The following GRIK1 variants were observed in gnomAD, a reference collection of about 807,000 sequenced individuals.
GRIK1 encodes the protein glutamate receptor ionotropic, kainate 1.
A neutral mutation model predicts 105.7 loss-of-function variants in GRIK1; 69 were observed. The observed-to-expected ratio is 0.65, with a 90% CI of 0.54 to 0.80. The LOEUF (loss-of-function observed/expected upper bound fraction) is 0.80. Among genes scored for constraint, GRIK1 ranks in the 30% least tolerant of loss-of-function variants. The pLI is 0.00. For missense variants in GRIK1, 1,109 were observed against 1,167.3 expected (o/e 0.95, Z 0.73); for synonymous variants, 438 against 431.3 (o/e 1.02, Z -0.19).
intron 4 of GRIK1, among the ~76,000 whole-genome samples, chr21:29,658,250 C>T (rs16984701): frequency 0.036 from 5,456 of 151,960 alleles, 320 homozygotes; most frequent in African/African-American, 0.12. Context: ...TCTAATAAGG[C>T]CCATTTCTTT....
At chr21:29,897,852 A>G (rs751676935) in intron 1 of GRIK1, among the ~76,000 whole-genome samples, 49 of 152,262 alleles carry the variant, frequency 3.2e-4, no homozygotes, top group Non-Finnish European at 6.3e-4. Flanking sequence ...GGCCAAGTAT[A>G]TAAAACAAGA....
At chr21:29,684,063 C>A (rs1228565906) in intron 3 of GRIK1, among the ~76,000 whole-genome samples, 1 of 152,196 alleles carries the variant, frequency 6.6e-6, no homozygotes, top group African/African-American at 2.4e-5. Flanking sequence ...CTCCCGAATA[C>A]TGTTTGATGC....
chr21:29,820,882 C>T (rs868054512), intron 1 of GRIK1, among the ~76,000 whole-genome samples: 1 of 151,988 alleles, frequency 6.6e-6, no homozygotes, highest in East Asian at 1.9e-4. Context: ...CCCAAGTTTA[C>T]CCAACTAGTA....
intron 7 of GRIK1, among the ~76,000 whole-genome samples, chr21:29,613,774 C>G (rs1002546540): frequency 7.2e-5 from 11 of 152,110 alleles, no homozygotes; most frequent in African/African-American, 2.7e-4. Context: ...TGACAAACTG[C>G]ATATTTGTTT....
intron 1 of GRIK1, among the ~76,000 whole-genome samples, chr21:29,707,761 C>A (rs796410130): frequency 6.6e-6 from 1 of 151,996 alleles, no homozygotes; most frequent in East Asian, 1.9e-4. Context: ...GGATTACAGG[C>A]GTAAACCACC....
intron 1 of GRIK1, among the ~76,000 whole-genome samples, chr21:29,787,896 G>A (rs1398603598): frequency 3.3e-5 from 5 of 152,140 alleles, no homozygotes; most frequent in Non-Finnish European, 4.4e-5. Flanking sequence ...CTATTTTAGT[G>A]TCCCTCATTT....
chr21:29,938,987 C>T (rs950881817), intron 1 of GRIK1, among the ~76,000 whole-genome samples: 1 of 152,118 alleles, frequency 6.6e-6, no homozygotes, highest in South Asian at 2.1e-4. Context: ...TGCCAGGCAC[C>T]GGGACTGCGG....
intron 1 of GRIK1, among the ~76,000 whole-genome samples, chr21:29,906,789 C>T (rs1311759227): frequency 6.6e-6 from 1 of 152,084 alleles, no homozygotes; most frequent in Non-Finnish European, 1.5e-5. Context: ...ATTTGGAGCA[C>T]ATTCCTCTGT....
chr21:29,674,072 T>TGG (rs1287282525), intron 3 of GRIK1, among the ~76,000 whole-genome samples: 54 of 151,376 alleles, frequency 3.6e-4, no homozygotes, highest in African/African-American at 6.1e-4. Context: ...GTTTTTTTTT[T>TGG]TGTTGTTTTT....
intron 1 of GRIK1, among the ~76,000 whole-genome samples, chr21:29,836,791 T>C (rs1322405767): frequency 6.6e-6 from 1 of 152,194 alleles, no homozygotes; most frequent in East Asian, 1.9e-4. Context: ...AAAAATGTAA[T>C]TTCATTGATA....
At chr21:29,917,576 C>T (rs527949467) in intron 1 of GRIK1, among the ~76,000 whole-genome samples, 1 of 152,148 alleles carries the variant, frequency 6.6e-6, no homozygotes, top group East Asian at 1.9e-4. Flanking sequence ...CTTCTTCAAT[C>T]TAAAACTCTT....
chr21:29,543,288 A>G (rs9305398), intron 16 of GRIK1, among the ~76,000 whole-genome samples: 3 of 151,884 alleles, frequency 2.0e-5, no homozygotes, highest in African/African-American at 7.3e-5. Flanking sequence ...TTTAAGGAAT[A>G]GGAACAGAAG....
chr21:29,822,914 C>G (rs1387749215), intron 1 of GRIK1, among the ~76,000 whole-genome samples: 1 of 152,012 alleles, frequency 6.6e-6, no homozygotes, highest in Non-Finnish European at 1.5e-5. Flanking sequence ...TCAAGTACAT[C>G]ACTAAGTTGC....
intron 7 of GRIK1, among the ~76,000 whole-genome samples, chr21:29,632,027 G>A (rs1010069177): frequency 2.4e-4 from 36 of 151,862 alleles, no homozygotes; most frequent in African/African-American, 8.5e-4. Flanking sequence ...AGAAGGGATT[G>A]GACAAGTACA....
intron 1 of GRIK1, among the ~76,000 whole-genome samples, chr21:29,728,672 T>A (rs748762200): frequency 6.6e-6 from 1 of 152,198 alleles, no homozygotes; most frequent in Non-Finnish European, 1.5e-5. Context: ...CTGATGGACG[T>A]TCACCATGTG....
chr21:29,769,244 G>A (rs1179967474), intron 1 of GRIK1, among the ~76,000 whole-genome samples: 1 of 152,098 alleles, frequency 6.6e-6, no homozygotes, highest in African/African-American at 2.4e-5. Flanking sequence ...AAATTAAAAC[G>A]AGGTCACTAG....
At chr21:29,825,546 T>C (rs368489853) in intron 1 of GRIK1, among the ~76,000 whole-genome samples, 3 of 152,086 alleles carry the variant, frequency 2.0e-5, no homozygotes, top group Non-Finnish European at 4.4e-5. Flanking sequence ...ACTATGTAAA[T>C]GATGTTTTAC....
intron 14 of GRIK1, 97 bp from the exon 15 acceptor site, chr21:29,561,946 G>GAAA: frequency 2.8e-6 from 2 of 710,746 alleles, no homozygotes; most frequent in Non-Finnish European, 5.1e-6. Context: ...ATGATAGGGA[G>GAAA]GATACTTTCT....
intron 1 of GRIK1, among the ~76,000 whole-genome samples, chr21:29,785,061 T>C (rs439643): frequency 0.6 from 90,658 of 152,072 alleles, 29,024 homozygotes; most frequent in African/African-American, 0.85. Context: ...AGTCAATTCA[T>C]AAACAATTCA....
Sources: gnomAD v4.1 joint callset for allele counts (sites outside exome capture counted in the v4.1 genomes callset) on GRCh38, gnomAD v4.1.1 for gene constraint, MANE v1.5 for transcripts, NCBI Gene and HGNC (gene_info 2026-07-23, HGNC 2026-07-21) for gene names.